The following HIVEP1 variants were observed in gnomAD, a reference collection of about 807,000 sequenced individuals.
HIVEP1 encodes the protein zinc finger protein 40.
In HIVEP1, 36 loss-of-function variants were observed where a neutral mutation model predicts 180.0. The observed-to-expected ratio is 0.20, with a 90% CI of 0.15 to 0.26. The LOEUF is 0.26. Ranked by LOEUF, HIVEP1 falls within the 10% of genes least tolerant of loss-of-function variation. The probability of loss-of-function intolerance (pLI) is 1.00; values close to 1 mark genes in which losing one functional copy is unlikely to be tolerated. For missense variants in HIVEP1, 3,143 were observed against 3,268.7 expected, an observed-to-expected ratio of 0.96 and a Z score of 0.94; for synonymous variants, 1,239 against 1,239.0, an observed-to-expected ratio of 1.00 and a Z score of 0.00.
the HIVEP1 span, among the ~76,000 whole-genome samples, chr6:12,194,522 C>T: frequency 4.6e-5 from 7 of 152,080 alleles, no homozygotes; most frequent in East Asian, 9.6e-4. Context: ...ACAAACAGGC[C>T]GGACGCGGTG....
intron 2 of HIVEP1, among the ~76,000 whole-genome samples, chr6:12,055,142 G>C (rs767106103): frequency 4.3e-4 from 65 of 152,202 alleles, no homozygotes; most frequent in Non-Finnish European, 9.0e-4. Flanking sequence ...TATGTTTTTA[G>C]AATGTATACT....
Position 12,119,899 on chromosome 6 carries a change from A to G in HIVEP1, c.104A>G (p.Gln35Arg). Residue 35 changes from glutamine to arginine, a missense_variant, in exon 4 of 9, where the codon CAG becomes CGG. By Grantham distance (43) the Gln-to-Arg change is conservative. Around this residue, in one of 12 missense-constraint regions of HIVEP1, gnomAD observed 114 missense variants for 134.5 expected, o/e 0.85. Transcript: ENST00000379388. ...TTGTTGTTTTTTCCAGAAATCTTAC[A>G]GGCTGGTGTTAAAGGAACTTCGGAA... ...GAEVSKKEIL[Q>R]AGVKGTSESL... The G allele has an allele frequency of 2.6e-6, 4 of 1,551,354 alleles. No homozygotes were observed. Among genetic ancestry groups the G allele is most frequent in the Non-Finnish European group, 3.5e-6 (4 of 1,155,294 alleles).
At position 12,082,503 on chromosome 6, in the gene HIVEP1, G is replaced by T. The variant is rs191008343; in HGVS notation, c.41-6681G>T. On this transcript the variant is annotated intron_variant, in intron 2 of 8. Coordinates refer to ENST00000379388, the MANE Select transcript of HIVEP1 (RefSeq NM_002114.4). The stretch of plus-strand genomic sequence containing the variant: ...GGTTTTCTAAGATCTTGATACCCGC[G>T]GTCAAATTTTTTCATAGAAAGCCCT... 2.6e-3 allele frequency among the ~76,000 whole-genome samples: 395 copies of T among 152,114 alleles called. 3 individuals carry two copies. Among genetic ancestry groups the T allele is most frequent in the African/African-American group, 9.1e-3 (376 of 41,508 alleles).
chr6:12,203,313 GGGGTCGGGTAGACGAA>G, the HIVEP1 span, among the ~76,000 whole-genome samples: 1 of 152,210 alleles, frequency 6.6e-6, no homozygotes, highest in Non-Finnish European at 1.5e-5. Flanking sequence ...GGAGAATGCT[GGGGTCGGGTAGACGAA>G]GGATCCCTGT....
the HIVEP1 span, among the ~76,000 whole-genome samples, chr6:12,210,983 C>T: frequency 2.0e-5 from 3 of 151,862 alleles, no homozygotes; most frequent in Non-Finnish European, 4.4e-5. Flanking sequence ...TTTACTTTTA[C>T]ATATATATGT....
rs774900283 is a variant in HIVEP1, at chr6:12,121,747, C to G, written c.1952C>G (p.Ala651Gly). The change falls in exon 4 of 9, where the codon GCT (alanine) becomes GGT (glycine). Residue 651 changes from alanine (A) to glycine (G), a missense_variant. Physicochemically the swap from Ala to Gly is moderately conservative, Grantham distance 60. This residue lies in a region of HIVEP1 where 365 missense variants were observed against 344.4 expected (regional missense o/e 1.06). Coordinates refer to ENST00000379388, the MANE Select transcript of HIVEP1 (RefSeq NM_002114.4). This position sits in a 1 kb window ranked among gnomAD's most constrained non-coding sequence, Gnocchi z 5.3. The stretch of plus-strand genomic sequence containing the variant: ...CACGCCCAGCTACAAAGGCAGCAGG[C>G]TACCGATTACTCCCAAGAGCAGCAA... Reference protein sequence around the residue: ...TVHAQLQRQQATDYSQEQQGK... With the variant: ...TVHAQLQRQQGTDYSQEQQGK... 1 of 1,614,154 alleles carries G rather than the reference C, an allele frequency of 6.2e-7. No homozygotes were observed. The highest frequency in any genetic ancestry group is 1.7e-5 in the Admixed American group (1 of 60,020).
chr6:12,196,104 C>T, the HIVEP1 span, among the ~76,000 whole-genome samples: 1 of 152,346 alleles, frequency 6.6e-6, no homozygotes, highest in South Asian at 2.1e-4. Flanking sequence ...AAGGAAGCCT[C>T]AGTCTTGTGG....
chr6:12,063,505 C>T lies in HIVEP1; in HGVS notation c.41-25679C>T, dbSNP rs1771372462. Among the ~76,000 whole-genome samples the T allele has an allele frequency of 6.6e-6, 1 of 151,996 alleles. No individual in the cohort carries two copies. Among genetic ancestry groups the T allele is most frequent in the African/African-American group, 2.4e-5 (1 of 41,376 alleles). ...GGAGGGAGGAGCTGGCTCATGTTGGCAGGTGTGGCTGCACGTGGAAGGTGG... is the reference window on the plus strand; with the variant it reads ...GGAGGGAGGAGCTGGCTCATGTTGGTAGGTGTGGCTGCACGTGGAAGGTGG... On this transcript the variant is annotated intron_variant, in intron 2 of 8. Coordinates refer to ENST00000379388, the MANE Select transcript of HIVEP1 (RefSeq NM_002114.4). The surrounding 1 kb of genome is among the most constrained non-coding windows in gnomAD (Gnocchi z 4.2).
chr6:12,034,443 T>G (rs1449317735), intron 2 of HIVEP1, among the ~76,000 whole-genome samples: 3 of 152,248 alleles, frequency 2.0e-5, no homozygotes, highest in Non-Finnish European at 2.9e-5. Context: ...CAAGGCACTG[T>G]GCCTGCTGAG....
chr6:12,062,420 G>C (rs934030211), intron 2 of HIVEP1, among the ~76,000 whole-genome samples: 2 of 151,970 alleles, frequency 1.3e-5, no homozygotes, highest in African/African-American at 4.8e-5. Context: ...TGAGTTATTA[G>C]ATACAGATAT....
At chr6:12,051,231 C>T (rs1018384317) in intron 2 of HIVEP1, among the ~76,000 whole-genome samples, 8 of 151,772 alleles carry the variant, frequency 5.3e-5, no homozygotes, top group African/African-American at 1.9e-4. Context: ...TAGTTTATGT[C>T]CCACTACGGA....
rs780829010 is a variant in HIVEP1 at position 12,121,479 on chromosome 6, A to G, written c.1684A>G (p.Lys562Glu). The G allele has an allele frequency of 1.5e-5, 25 of 1,614,206 alleles. No individual in the cohort carries two copies. The highest frequency in any genetic ancestry group is 1.2e-4 in the Admixed American group (7 of 60,012). Residue 562 changes from lysine (K) to glutamate (E), a missense_variant, in exon 4 of 9, where the codon AAA becomes GAA. Transcript: ENST00000379388. The surrounding 1 kb of genome is among the most constrained non-coding windows in gnomAD (Gnocchi z 5.3). ...ATCACAAGCTGTGACAGAGTTACCG[A>G]AAGTTGTGGTCCACCATGTCACTGT... ...AESQAVTELP[K>E]VVVHHVTVSP...
chr6:12,137,624 A>T (rs1002006686), intron 7 of HIVEP1, among the ~76,000 whole-genome samples: 14 of 113,038 alleles, frequency 1.2e-4, no homozygotes, highest in Admixed American at 4.4e-4. Context: ...TTTTTTTTTT[A>T]CAGTGTTTGT....
the HIVEP1 span, among the ~76,000 whole-genome samples, chr6:12,193,286 CT>C: frequency 6.6e-6 from 1 of 152,074 alleles, no homozygotes; most frequent in African/African-American, 2.4e-5. Context: ...GTTGTTTTCA[CT>C]TTTTGCTCTC....
chr6:12,011,898 G>A (rs1261250136), upstream of HIVEP1: 1 of 97,612 alleles, frequency 1.0e-5, no homozygotes, highest in African/African-American at 3.9e-5. Context: ...CGCCGCCCGC[G>A]GCCTCCCCTC....
intron 3 of HIVEP1, among the ~76,000 whole-genome samples, chr6:12,106,861 C>T (rs1367552629): frequency 2.6e-5 from 4 of 152,066 alleles, no homozygotes; most frequent in East Asian, 1.9e-4. Flanking sequence ...TATTCTTTAT[C>T]GTATTTTCTT....
rs746293946 is a variant in HIVEP1 at position 12,122,328 on chromosome 6, A to G, written c.2533A>G (p.Thr845Ala). The change falls in exon 4 of 9, where the codon ACA (threonine) becomes GCA (alanine). Residue 845 changes from threonine (T) to alanine (A), a missense_variant. Coordinates refer to ENST00000379388, the MANE Select transcript of HIVEP1 (RefSeq NM_002114.4). ...PITRSNSMPTTGYSAVPANII... is the reference protein window; with the variant it reads ...PITRSNSMPTAGYSAVPANII... ...CACAAGAAGTAATTCCATGCCGACCACAGGTTATTCAGCAGTACCTGCAAA... is the reference window on the plus strand; with the variant it reads ...CACAAGAAGTAATTCCATGCCGACCGCAGGTTATTCAGCAGTACCTGCAAA... The G allele has an allele frequency of 2.5e-6, 4 of 1,614,122 alleles. No individual in the cohort carries two copies. The highest frequency in any genetic ancestry group is 1.7e-5 in the Admixed American group (1 of 60,008).
intron 3 of HIVEP1, among the ~76,000 whole-genome samples, chr6:12,110,256 C>T (rs947475485): frequency 1.3e-5 from 2 of 152,226 alleles, no homozygotes; most frequent in Non-Finnish European, 2.9e-5. Flanking sequence ...CTTAAAGCCA[C>T]CAGCTGTATT....
intron 7 of HIVEP1, among the ~76,000 whole-genome samples, chr6:12,140,736 A>C (rs1758976435): frequency 6.6e-6 from 1 of 152,254 alleles, no homozygotes. Context: ...AAGCTTCAAT[A>C]GCTGATTTGA....
Sources: allele counts gnomAD v4.1 joint callset (sites outside exome capture counted in the v4.1 genomes callset), GRCh38; gene constraint gnomAD v4.1.1; regional missense constraint gnomAD v4.1.1; non-coding constraint Gnocchi (gnomAD v3.1); transcripts MANE v1.5; gene names NCBI Gene and HGNC (gene_info 2026-07-23, HGNC 2026-07-21).